Variants in CRYBG2 observed in about 807,000 individuals in gnomAD.
CRYBG2 encodes beta/gamma crystallin domain-containing protein 2.
Under a neutral mutation model 153.4 loss-of-function variants are expected in CRYBG2, and 106 were observed. The ratio of observed to expected loss-of-function variants is 0.69; its 90% CI spans 0.59 to 0.81. The LOEUF (loss-of-function observed/expected upper bound fraction) is 0.81. Among genes scored for constraint, CRYBG2 ranks in the 30% least tolerant of loss-of-function variants. The pLI is 0.00. For missense variants in CRYBG2, 1,996 were observed against 2,112.0 expected, an observed-to-expected ratio of 0.95 and a Z score of 1.08; for synonymous variants, 851 against 877.8, an observed-to-expected ratio of 0.97 and a Z score of 0.54.
chr1:26,324,064 T>G (rs904164321), intron 18 of CRYBG2, 88 bp downstream of exon 18: 2 of 1,432,942 alleles, frequency 1.4e-6, no homozygotes, highest in Non-Finnish European at 1.9e-6. Context: ...TGCATCCCTC[T>G]GTGTTCCTGA....
At position 26,322,143 on chromosome 1, in the gene CRYBG2, TC is replaced by T. The variant is rs1367175207; in HGVS notation, c.4897+20del. ...CTCTCAGCCCCCTCAGGAGCCCTCT[TC>T]CCCATACATCCCACCTTACCCTTCA... On this transcript the variant is annotated intron_variant, in intron 19 of 19. Transcript: ENST00000308182. 6.2e-7 allele frequency: 1 copy of T among 1,607,796 alleles called. No individual in the cohort carries two copies. Among genetic ancestry groups the T allele is most frequent in the South Asian group, 1.1e-5 (1 of 90,870 alleles).
chr1:26,346,995 A>G lies in CRYBG2; in HGVS notation c.-55-283T>C, dbSNP rs777930388. ...CTGAGCCCAGAAGGAGAGAAAAGGA[A>G]GAAGGCAGAAGGGAAGATGCAGCTG... is the stretch of plus-strand genomic sequence containing the variant. On this transcript the variant is annotated intron_variant, in intron 1 of 19. Transcript: ENST00000308182. This position sits in a 1 kb window ranked among gnomAD's most constrained non-coding sequence, Gnocchi z 4.9. Among the ~76,000 whole-genome samples the G allele has an allele frequency of 3.9e-4, 59 of 152,328 alleles. No homozygotes were observed. The highest frequency in any genetic ancestry group is 3.4e-3 in the Middle Eastern group (1 of 294).
At position 26,337,545 on chromosome 1, in the gene CRYBG2, C is replaced by T. The variant is rs141056748; in HGVS notation, c.3637G>A (p.Gly1213Arg). The part of the protein sequence containing the change: ...LASVGSLRVL[G>R]GCWVGYEKEG... ...AGGGTCCTGAGTTCTCACCAGCCTC[C>T]GAGAACTCTCAGGGACCCCACAGAG... Residue 1213 changes from glycine to arginine, a missense_variant, in exon 9 of 20, where the codon GGA (glycine) becomes AGA (arginine). Physicochemically the swap from Gly to Arg is moderately radical, Grantham distance 125 (BLOSUM62 -2). Transcript: ENST00000308182. 192 of 1,612,084 alleles carry T rather than the reference C, an allele frequency of 1.2e-4. No homozygotes were observed. The highest frequency in any genetic ancestry group is 1.5e-4 in the Admixed American group (9 of 59,984).
intron 14 of CRYBG2, among the ~76,000 whole-genome samples, chr1:26,335,137 T>C (rs1410642279): frequency 2.0e-5 from 3 of 148,734 alleles, no homozygotes; most frequent in African/African-American, 7.4e-5. Flanking sequence ...AAAAAAAATG[T>C]ACAAAATGAT....
At chr1:26,337,770 C>T in intron 8 of CRYBG2, 96 bp from the exon 9 acceptor site, 3 of 1,492,888 alleles carry the variant, frequency 2.0e-6, no homozygotes, top group Non-Finnish European at 2.7e-6. Flanking sequence ...GTGGCACCCC[C>T]CAGCCCTCCC....
intron 14 of CRYBG2, among the ~76,000 whole-genome samples, chr1:26,335,296 G>A (rs199975655): frequency 3.3e-5 from 5 of 151,798 alleles, no homozygotes; most frequent in Admixed American, 2.6e-4. Flanking sequence ...AATCCACATG[G>A]AGAAACCCCA....
chr1:26,339,695 C>T (rs1299829446), intron 5 of CRYBG2, among the ~76,000 whole-genome samples: 1 of 151,574 alleles, frequency 6.6e-6, no homozygotes, highest in African/African-American at 2.4e-5. Context: ...GAGATCATGC[C>T]ATTGCACTCA....
At chr1:26,339,457 T>C (rs777498896) in intron 5 of CRYBG2, 28 bp from the exon 6 acceptor site, 2 of 1,612,104 alleles carry the variant, frequency 1.2e-6, no homozygotes, top group South Asian at 1.1e-5. Flanking sequence ...AAATTAAATA[T>C]AGATAAACAG....
chr1:26,347,291 T>TTTG (rs1352617780), intron 1 of CRYBG2, among the ~76,000 whole-genome samples: 1 of 132,952 alleles, frequency 7.5e-6, no homozygotes, highest in Non-Finnish European at 1.6e-5. Context: ...TGCGTTTTTT[T>TTTG]TTTTTTTTTT....
Position 26,354,126 on chromosome 1 carries a change from CA to C in CRYBG2, c.-147del. 1 of 399,484 alleles carries C rather than the reference CA, an allele frequency of 2.5e-6. No individual in the cohort carries two copies. Among genetic ancestry groups the C allele is most frequent in the African/African-American group, 2.1e-5 (1 of 48,756 alleles). The allele number at this position is 399,484 out of a possible 1,614,324, so 24.7% of individuals were successfully genotyped here. On this transcript the variant is annotated 5_prime_UTR_variant, in exon 1 of 20. Coordinates refer to ENST00000308182, the MANE Select transcript of CRYBG2 (RefSeq NM_001039775.4). ...TGCTCCCCTGATGCGATTGGGCTCT[CA>C]GCTGGGGTTCCTGAGGCGGGGCCGT...
chr1:26,345,311 G>T lies in CRYBG2; in HGVS notation c.1347C>A (p.Asn449Lys). 6.2e-7 allele frequency: 1 copy of T among 1,613,634 alleles called. No individual in the cohort carries two copies. Among genetic ancestry groups the T allele is most frequent in the Admixed American group, 1.7e-5 (1 of 60,026 alleles). ...PSSPRNKFVQ[N>K]SENVPVLPFT... The stretch of plus-strand genomic sequence containing the variant: ...AGGGGAGGACAGGGACATTTTCAGA[G>T]TTCTGAACAAACTTATTCCTTGGGG... The change falls in exon 2 of 20, where the codon AAC becomes AAA. Residue 449 changes from asparagine to lysine, a missense_variant. By Grantham distance (94) the Asn-to-Lys change is moderately conservative (BLOSUM62 0). Coordinates refer to ENST00000308182, the MANE Select transcript of CRYBG2 (RefSeq NM_001039775.4).
chr1:26,342,910 C>T, intron 4 of CRYBG2, 27 bp from the exon 5 acceptor site: 1 of 1,613,380 alleles, frequency 6.2e-7, no homozygotes, highest in Non-Finnish European at 8.5e-7. Context: ...TCCAGGATCA[C>T]AGATGGGGAG....
At chr1:26,330,204 CATT>C (rs1389256551) in intron 15 of CRYBG2, among the ~76,000 whole-genome samples, 3 of 152,212 alleles carry the variant, frequency 2.0e-5, no homozygotes. Context: ...TACCTGATCT[CATT>C]ATAACTCTTC....
At position 26,344,489 on chromosome 1, in the gene CRYBG2, A is replaced by AGGGGT. The variant is rs920856565; in HGVS notation, c.2164_2168dup (p.Ala724ProfsTer118). On this transcript the variant is annotated frameshift_variant, in exon 2 of 20. Transcript: ENST00000308182. LOFTEE classifies it high-confidence loss of function. ...CCTCTGCTCCTGTTGGCACTGGGGCAGGGGTGCCTCCTGGGCTGGGGGACA... is the reference window on the plus strand; with the variant it reads ...CCTCTGCTCCTGTTGGCACTGGGGCAGGGGTGGGGTGCCTCCTGGGCTGGGGGACA... 1.3e-6 allele frequency: 2 copies of AGGGGT among 1,544,076 alleles called. No individual in the cohort carries two copies. Among genetic ancestry groups the AGGGGT allele is most frequent in the Non-Finnish European group, 1.7e-6 (2 of 1,143,724 alleles).
At position 26,337,565 on chromosome 1, in the gene CRYBG2, A is replaced by T. The variant is rs1043505354; in HGVS notation, c.3617T>A (p.Val1206Glu). The T allele has an allele frequency of 6.2e-7, 1 of 1,612,812 alleles. No homozygotes were observed. The highest frequency in any genetic ancestry group is 1.7e-4 in the Middle Eastern group (1 of 6,060). The change falls in exon 9 of 20, where the codon GTG (valine) becomes GAG (glutamate). Residue 1206 changes from valine (V) to glutamate (E), a missense_variant. Transcript: ENST00000308182. ...EDSQSPHLAS[V>E]GSLRVLGGCW... ...GCCTCCGAGAACTCTCAGGGACCCC[A>T]CAGAGGCCAGGTGGGGGCTCTGGCT...
chr1:26,327,424 C>T (rs2073938745), intron 17 of CRYBG2, among the ~76,000 whole-genome samples: 1 of 151,062 alleles, frequency 6.6e-6, no homozygotes. Context: ...GCCGAGATCA[C>T]GCCATTGCAC....
In CRYBG2 at chr1:26,346,077, C is replaced by G; in HGVS notation, c.581G>C (p.Ser194Thr). The change falls in exon 2 of 20, where the codon AGC becomes ACC. Residue 194 changes from serine to threonine, a missense_variant. Ser to Thr is a moderately conservative substitution (Grantham distance 58). Transcript: ENST00000308182. The surrounding 1 kb of genome is among the most constrained non-coding windows in gnomAD (Gnocchi z 4.9). The part of the protein sequence containing the change: ...VGGHVDRRMS[S>T]SVTVRPVSSG... ...GGACACTGGCCTCACAGTCACAGAGCTGCTCATCCGCCGGTCCACATGACC... is the reference window on the plus strand; with the variant it reads ...GGACACTGGCCTCACAGTCACAGAGGTGCTCATCCGCCGGTCCACATGACC... The G allele has an allele frequency of 6.3e-7, 1 of 1,582,082 alleles. No homozygotes were observed. Among genetic ancestry groups the G allele is most frequent in the South Asian group, 1.1e-5 (1 of 89,420 alleles).
intron 1 of CRYBG2, among the ~76,000 whole-genome samples, chr1:26,348,644 C>T (rs1166020390): frequency 6.6e-6 from 1 of 152,100 alleles, no homozygotes; most frequent in African/African-American, 2.4e-5. Context: ...CAACCTCCTC[C>T]TCCCAGGTTC....
At chr1:26,353,079 A>G (rs942848926) in intron 1 of CRYBG2, among the ~76,000 whole-genome samples, 1 of 152,198 alleles carries the variant, frequency 6.6e-6, no homozygotes, top group East Asian at 1.9e-4. Flanking sequence ...GGCAGGATGG[A>G]GCAGTGGTTA....
Sources: allele counts gnomAD v4.1 joint callset (sites outside exome capture counted in the v4.1 genomes callset), GRCh38; gene constraint gnomAD v4.1.1; non-coding constraint Gnocchi (gnomAD v3.1); transcripts MANE v1.5; gene names NCBI Gene and HGNC (gene_info 2026-07-23, HGNC 2026-07-21).